FREM1: variants seen among roughly 807,000 people sequenced by gnomAD.
FREM1 encodes the protein FRAS1 related extracellular matrix 1.
FREM1 carries 220 observed loss-of-function variants against 210.1 expected under a neutral mutation model. The observed-to-expected ratio is 1.05, with a 90% CI of 0.94 to 1.17. The LOEUF (loss-of-function observed/expected upper bound fraction) is 1.17, where lower values mean the gene tolerates loss of function less well. Ranked by LOEUF, FREM1 falls within the 50% of genes most tolerant of loss-of-function variation. The pLI is 0.00. For synonymous variants in FREM1, 1,189 were observed against 980.2 expected (o/e 1.21, Z -3.98); for missense variants, 3,454 against 2,675.5 (o/e 1.29, Z -6.42).
intron 35 of FREM1, among the ~76,000 whole-genome samples, chr9:14,745,254 C>G (rs535089673): frequency 6.6e-6 from 1 of 152,274 alleles, no homozygotes; most frequent in Non-Finnish European, 1.5e-5. Flanking sequence ...ACATTTACCC[C>G]TGAACTTAAA....
chr9:14,853,232 A>G, intron 5 of FREM1, among the ~76,000 whole-genome samples: 1 of 152,220 alleles, frequency 6.6e-6, no homozygotes, highest in East Asian at 1.9e-4. Context: ...GCTGTGCCAA[A>G]ATCAGTCTGT....
Position 14,875,980 on chromosome 9 carries a change from C to A in FREM1, c.-267-6736G>T, listed in dbSNP as rs180993598. 3.0e-3 allele frequency among the ~76,000 whole-genome samples: 457 copies of A among 152,306 alleles called. 12 individuals are homozygous for A. The South Asian group carries it at 0.051, about 17-fold the overall frequency. On this transcript the variant is annotated intron_variant, in intron 1 of 36. Coordinates refer to ENST00000380880, the MANE Select transcript of FREM1 (RefSeq NM_001379081.2). ...GCCTGGGTATCCACAGCAGTGGCTG[C>A]AGAACAGCGGATTTTCGTGAACCGC...
At chr9:14,838,931 G>A (rs1043591316) in intron 10 of FREM1, among the ~76,000 whole-genome samples, 2 of 152,186 alleles carry the variant, frequency 1.3e-5, no homozygotes, top group African/African-American at 4.8e-5. Flanking sequence ...TGGAACAGCT[G>A]ATGTTAGAGC....
intron 21 of FREM1, among the ~76,000 whole-genome samples, chr9:14,793,241 G>A (rs558826103): frequency 2.6e-5 from 4 of 152,290 alleles, no homozygotes; most frequent in Admixed American, 6.5e-5. Context: ...AAGTAAGAGG[G>A]CTAGGTATGA....
intron 1 of FREM1, among the ~76,000 whole-genome samples, chr9:14,880,950 A>G (rs181921140): frequency 3.3e-5 from 5 of 152,364 alleles, no homozygotes; most frequent in Middle Eastern, 3.4e-3. Context: ...GGGCAGATAT[A>G]TCTTTCTTCT....
At chr9:14,759,512 A>AAATAATAATAATAATAATAATAAT (rs1845058558) in intron 28 of FREM1, among the ~76,000 whole-genome samples, 4 of 2,428 alleles carry the variant, frequency 1.6e-3, no homozygotes, top group Admixed American at 0.012. Flanking sequence ...CTTTGTCTCA[A>AAATAATAATAATAATAATAATAAT]AATAACAATA....
At chr9:14,754,119 G>C (rs1843851326) in intron 29 of FREM1, among the ~76,000 whole-genome samples, 1 of 152,114 alleles carries the variant, frequency 6.6e-6, no homozygotes, top group African/African-American at 2.4e-5. Context: ...AAACCTACTA[G>C]CAGCCAAAAT....
intron 21 of FREM1, among the ~76,000 whole-genome samples, chr9:14,794,727 C>CCCATCTCAATAA (rs1193838627): frequency 2.0e-5 from 3 of 152,152 alleles, no homozygotes; most frequent in African/African-American, 7.2e-5. Flanking sequence ...GGGCCGGGCG[C>CCCATCTCAATAA]AGTGCCTCAT....
intron 6 of FREM1, among the ~76,000 whole-genome samples, chr9:14,849,992 A>G (rs1248240937): frequency 1.3e-5 from 2 of 152,214 alleles, no homozygotes; most frequent in African/African-American, 4.8e-5. Flanking sequence ...TATAGCCTGA[A>G]GTCCTTTGTC....
intron 36 of FREM1, 33 bp from the exon 37 acceptor site, chr9:14,737,628 T>G (rs1278910247): frequency 7.0e-7 from 1 of 1,422,662 alleles, no homozygotes; most frequent in South Asian, 1.6e-5. Context: ...ACCAATTACT[T>G]TTATTGCGTT....
chr9:14,884,767 G>T (rs537295422), intron 1 of FREM1, among the ~76,000 whole-genome samples: 75 of 152,056 alleles, frequency 4.9e-4, no homozygotes, highest in Non-Finnish European at 9.1e-4. Context: ...AATTCTTAAC[G>T]GTCAATGGTA....
chr9:14,878,803 A>T lies in FREM1; in HGVS notation c.-267-9559T>A, dbSNP rs182197654. 2.0e-5 allele frequency among the ~76,000 whole-genome samples: 3 copies of T among 152,310 alleles called. No individual in the cohort carries two copies. The East Asian group carries it at 5.8e-4, about 29-fold the overall frequency. On this transcript the variant is annotated intron_variant, in intron 1 of 36. Coordinates refer to ENST00000380880, the MANE Select transcript of FREM1 (RefSeq NM_001379081.2). ...TAAATTGGAGAAAACAATGCCTTAA[A>T]TTCCCTTATACTGATTATAGTTTAA... is the stretch of plus-strand genomic sequence containing the variant.
intron 14 of FREM1, among the ~76,000 whole-genome samples, chr9:14,818,792 G>C (rs946418793): frequency 6.6e-6 from 1 of 152,166 alleles, no homozygotes; most frequent in Non-Finnish European, 1.5e-5. Flanking sequence ...TAGTAGAACG[G>C]AATAAGGTTA....
intron 1 of FREM1, among the ~76,000 whole-genome samples, chr9:14,892,328 G>A (rs4741441): frequency 2.6e-5 from 4 of 152,094 alleles, no homozygotes; most frequent in Admixed American, 2.6e-4. Context: ...CTTTGGGTAG[G>A]TGGGGTGCAT....
chr9:14,759,365 C>T (rs1320206151), intron 28 of FREM1, among the ~76,000 whole-genome samples: 1 of 151,828 alleles, frequency 6.6e-6, no homozygotes, highest in African/African-American at 2.4e-5. Flanking sequence ...CAAAAATTAG[C>T]AGGGCCTGGT....
chr9:14,756,861 T>C (rs1361429520), intron 28 of FREM1, among the ~76,000 whole-genome samples: 1 of 152,188 alleles, frequency 6.6e-6, no homozygotes, highest in Admixed American at 6.5e-5. Flanking sequence ...CAGGTACCCC[T>C]GACAACCCAT....
chr9:14,895,521 G>C (rs1037567400), intron 1 of FREM1, among the ~76,000 whole-genome samples: 1 of 152,012 alleles, frequency 6.6e-6, no homozygotes, highest in African/African-American at 2.4e-5. Flanking sequence ...GCACATATTG[G>C]AATCAGCTAA....
chr9:14,760,213 T>C (rs1845238829), intron 27 of FREM1, among the ~76,000 whole-genome samples: 1 of 152,188 alleles, frequency 6.6e-6, no homozygotes, highest in Non-Finnish European at 1.5e-5. Flanking sequence ...CAATCGTGAA[T>C]GTTTTGAAGG....
chr9:14,844,786 A>G (rs533878528), intron 8 of FREM1, among the ~76,000 whole-genome samples: 14 of 152,318 alleles, frequency 9.2e-5, no homozygotes, highest in African/African-American at 1.2e-4. Context: ...AAATTGTTGT[A>G]TTGTGCTCCT....
Sources: allele counts gnomAD v4.1 joint callset (sites outside exome capture counted in the v4.1 genomes callset), GRCh38; gene constraint gnomAD v4.1.1; transcripts MANE v1.5; gene names NCBI Gene and HGNC (gene_info 2026-07-23, HGNC 2026-07-21).